The following SMC6 variants were observed in gnomAD, a reference collection of about 807,000 sequenced individuals.
SMC6 encodes the protein structural maintenance of chromosomes protein 6.
A neutral mutation model predicts 142.2 loss-of-function variants in SMC6; 79 were observed. That is an observed-to-expected ratio of 0.56 (90% CI 0.46 to 0.67). The LOEUF (loss-of-function observed/expected upper bound fraction) is 0.67. Ranked by LOEUF, SMC6 falls within the 30% of genes least tolerant of loss-of-function variation. The pLI is 0.00. For synonymous variants in SMC6, 411 were observed against 412.4 expected, an observed-to-expected ratio of 1.00 and a Z score of 0.04; for missense variants, 1,072 against 1,284.0, an observed-to-expected ratio of 0.83 and a Z score of 2.52.
rs1670485923 is a variant in SMC6 at position 17,741,835 on chromosome 2, A to C, written c.121-106T>G. The C allele has an allele frequency of 6.1e-6, 4 of 654,262 alleles. No homozygotes were observed. The East Asian group carries it at 1.1e-4, about 18-fold the overall frequency. 40.5% of individuals were successfully genotyped at this position (654,262 alleles called of 1,614,324 possible). ...GACTAGCACCATCACCAATGAAAAAATTTACAGAAAGTGAATAATGGTAAC... is the reference window on the plus strand; with the variant it reads ...GACTAGCACCATCACCAATGAAAAACTTTACAGAAAGTGAATAATGGTAAC... On this transcript the variant is annotated intron_variant, in intron 3 of 27. Transcript: ENST00000448223.
chr2:17,733,330 C>T (rs555904670), intron 5 of SMC6, among the ~76,000 whole-genome samples: 7 of 152,334 alleles, frequency 4.6e-5, no homozygotes, highest in Non-Finnish European at 1.0e-4. Context: ...AATTTTCCAT[C>T]CCATCCTCTT....
At chr2:17,684,940 AT>A (rs1667382615) in intron 23 of SMC6, among the ~76,000 whole-genome samples, 1 of 152,170 alleles carries the variant, frequency 6.6e-6, no homozygotes, top group South Asian at 2.1e-4. Flanking sequence ...AAAGAAGGTA[AT>A]AATCAAACAA....
chr2:17,670,590 G>A lies in SMC6; in HGVS notation c.2911-15C>T. The A allele has an allele frequency of 1.3e-6, 2 of 1,511,130 alleles. No homozygotes were observed. Among genetic ancestry groups the A allele is most frequent in the East Asian group, 2.5e-5 (1 of 40,542 alleles). The allele number at this position is 1,511,130 out of a possible 1,614,324, so 93.6% of individuals were successfully genotyped here. ...CCAGGCTGAACCTTGAAGAGAATGA[G>A]TTGACAAGGAACAAAAAACTAAGTA... is the stretch of plus-strand genomic sequence containing the variant. On this transcript the variant is annotated splice_polypyrimidine_tract_variant and intron_variant, in intron 25 of 27. Transcript: ENST00000448223.
chr2:17,725,836 C>T (rs1669588630), intron 8 of SMC6, among the ~76,000 whole-genome samples: 1 of 151,688 alleles, frequency 6.6e-6, no homozygotes, highest in Admixed American at 6.6e-5. Flanking sequence ...ACCGGTAATC[C>T]CAGCACTTTG....
intron 23 of SMC6, among the ~76,000 whole-genome samples, chr2:17,685,274 C>T (rs1667401467): frequency 6.6e-6 from 1 of 151,320 alleles, no homozygotes; most frequent in African/African-American, 2.4e-5. Context: ...AACTAAAAGA[C>T]TTAAATCTAA....
chr2:17,671,810 C>T (rs1572244081), intron 25 of SMC6, among the ~76,000 whole-genome samples: 1 of 151,822 alleles, frequency 6.6e-6, no homozygotes, highest in East Asian at 1.9e-4. Flanking sequence ...CACACAATTT[C>T]CTGAGAATAT....
intron 26 of SMC6, among the ~76,000 whole-genome samples, chr2:17,667,625 G>A (rs547146169): frequency 6.6e-6 from 1 of 151,846 alleles, no homozygotes; most frequent in East Asian, 1.9e-4. Context: ...TGAGGCAGGT[G>A]GATCACTTGA....
chr2:17,739,108 CAT>C (rs1277948916), intron 4 of SMC6, among the ~76,000 whole-genome samples: 2 of 152,102 alleles, frequency 1.3e-5, no homozygotes, highest in Non-Finnish European at 2.9e-5. Flanking sequence ...AAGTCATATA[CAT>C]GTTTTTATAT....
intron 16 of SMC6, 62 bp downstream of exon 16, chr2:17,714,799 T>C: frequency 6.6e-7 from 1 of 1,505,038 alleles, no homozygotes; most frequent in East Asian, 2.3e-5. Flanking sequence ...GTGTTTTAAC[T>C]CTTTCCAATC....
intron 7 of SMC6, among the ~76,000 whole-genome samples, chr2:17,730,718 T>C (rs1016376469): frequency 1.3e-5 from 2 of 151,548 alleles, no homozygotes; most frequent in African/African-American, 2.4e-5. Flanking sequence ...TTCTCCTGCC[T>C]CAGCCTCCCA....
rs540504041 is a variant in SMC6, at chr2:17,674,070, C to A, written c.2911-3495G>T. 1.3e-3 allele frequency among the ~76,000 whole-genome samples: 200 copies of A among 152,034 alleles called. 1 individual carries two copies. The highest frequency in any genetic ancestry group is 2.5e-3 in the Non-Finnish European group (167 of 68,018). On this transcript the variant is annotated intron_variant, in intron 25 of 27. Transcript: ENST00000448223. ...TGCTTTCTACTCTCCAATTTCTGCTCTTATATCACTGTATCCTTCTCTCTA... is the reference window on the plus strand; with the variant it reads ...TGCTTTCTACTCTCCAATTTCTGCTATTATATCACTGTATCCTTCTCTCTA...
chr2:17,748,027 T>C (rs1214712872), intron 2 of SMC6, among the ~76,000 whole-genome samples: 3 of 152,204 alleles, frequency 2.0e-5, no homozygotes, highest in Non-Finnish European at 4.4e-5. Context: ...TTTTGCAAAG[T>C]GCAGCTACAG....
At chr2:17,690,490 A>G (rs1015842566) in intron 23 of SMC6, among the ~76,000 whole-genome samples, 8 of 152,106 alleles carry the variant, frequency 5.3e-5, no homozygotes, top group Admixed American at 6.6e-5. Context: ...GCTACTCAGG[A>G]GACTGAGGCA....
chr2:17,720,749 T>TAA (rs916376829), intron 11 of SMC6, among the ~76,000 whole-genome samples, 191 bp downstream of exon 11: 29 of 152,198 alleles, frequency 1.9e-4, no homozygotes, highest in African/African-American at 7.0e-4. Flanking sequence ...AAGGATAGAG[T>TAA]ACTCTTTTCA....
chr2:17,722,379 A>G (rs1337463983), intron 9 of SMC6, among the ~76,000 whole-genome samples: 2 of 152,086 alleles, frequency 1.3e-5, no homozygotes, highest in Non-Finnish European at 2.9e-5. Flanking sequence ...CTGATTTTCC[A>G]TCACATCTTT....
At chr2:17,671,072 C>G (rs553751008) in intron 25 of SMC6, among the ~76,000 whole-genome samples, 2 of 149,632 alleles carry the variant, frequency 1.3e-5, no homozygotes, top group Non-Finnish European at 3.0e-5. Flanking sequence ...TGAGGTTTCT[C>G]CATGTTGCCC....
chr2:17,703,947 G>A (rs1572293993), intron 18 of SMC6, among the ~76,000 whole-genome samples: 1 of 151,742 alleles, frequency 6.6e-6, no homozygotes, highest in Admixed American at 6.6e-5. Context: ...TTAAGTTTTT[G>A]GGGAGTTAAA....
intron 16 of SMC6, among the ~76,000 whole-genome samples, chr2:17,711,635 T>C (rs528571441): frequency 3.3e-5 from 5 of 152,288 alleles, no homozygotes; most frequent in South Asian, 4.2e-4. Context: ...TTTTATTTTA[T>C]TTTTTTGAGA....
chr2:17,705,701 A>T (rs1267625121), intron 18 of SMC6, among the ~76,000 whole-genome samples: 1 of 152,246 alleles, frequency 6.6e-6, no homozygotes, highest in Non-Finnish European at 1.5e-5. Context: ...AAATTTAAGC[A>T]ATCAATGTAA....
Sources: allele counts gnomAD v4.1 joint callset (sites outside exome capture counted in the v4.1 genomes callset), GRCh38; gene constraint gnomAD v4.1.1; transcripts MANE v1.5; gene names NCBI Gene and HGNC (gene_info 2026-07-23, HGNC 2026-07-21).